MKLN1: variants seen among roughly 807,000 people sequenced by gnomAD.
The protein encoded by MKLN1 is muskelin.
Under a neutral mutation model 99.0 loss-of-function variants are expected in MKLN1, and 18 were observed. That is an observed-to-expected ratio of 0.18 (90% CI 0.13 to 0.27). The LOEUF (loss-of-function observed/expected upper bound fraction) is 0.27. Ranked by LOEUF, MKLN1 falls within the 10% of genes least tolerant of loss-of-function variation. The pLI is 1.00. For missense variants in MKLN1, 621 were observed against 875.9 expected, an observed-to-expected ratio of 0.71 and a Z score of 3.67; for synonymous variants, 288 against 293.2, an observed-to-expected ratio of 0.98 and a Z score of 0.18.
At chr7:131,212,929 A>C (rs556712861) in intron 3 of MKLN1, among the ~76,000 whole-genome samples, 3 of 144,396 alleles carry the variant, frequency 2.1e-5, no homozygotes, top group South Asian at 2.1e-4. Context: ...GTCTCAAAAA[A>C]AAAAAACAAA....
intron 1 of MKLN1, among the ~76,000 whole-genome samples, chr7:131,334,553 T>G (rs546541116): frequency 6.6e-6 from 1 of 152,362 alleles, no homozygotes; most frequent in South Asian, 2.1e-4. Flanking sequence ...AGAAATACTT[T>G]TTATCTTGAT....
chr7:131,380,784 ACG>A (rs1793821875), intron 2 of MKLN1, among the ~76,000 whole-genome samples: 1 of 152,206 alleles, frequency 6.6e-6, no homozygotes, highest in South Asian at 2.1e-4. Flanking sequence ...CCATAATCAT[ACG>A]GTAATTGCAA....
upstream of MKLN1, chr7:131,323,261 G>T (rs930567847): frequency 1.3e-5 from 2 of 152,222 alleles, no homozygotes; most frequent in African/African-American, 2.4e-5. Flanking sequence ...GGCAGAAAGG[G>T]ATGAGTTCAG....
At chr7:131,444,568 A>G (rs866371041) in intron 11 of MKLN1, among the ~76,000 whole-genome samples, 1 of 151,830 alleles carries the variant, frequency 6.6e-6, no homozygotes, top group Admixed American at 6.6e-5. Flanking sequence ...AATGTCTTCT[A>G]TTTTGTAACT....
chr7:131,332,081 T>C (rs915608611), intron 1 of MKLN1, among the ~76,000 whole-genome samples: 1 of 152,080 alleles, frequency 6.6e-6, no homozygotes, highest in Admixed American at 6.6e-5. Context: ...ATTTGACAAC[T>C]AGAATAGAAG....
At chr7:131,174,771 C>T (rs1413941306) in intron 2 of MKLN1, among the ~76,000 whole-genome samples, 3 of 151,986 alleles carry the variant, frequency 2.0e-5, no homozygotes, top group Admixed American at 2.0e-4. Flanking sequence ...TAATTCAAAC[C>T]AGTAAATATT....
chr7:131,120,548 CAAAAAAAAA>C (rs55945614), intron 1 of MKLN1, among the ~76,000 whole-genome samples: 2 of 98,130 alleles, frequency 2.0e-5, no homozygotes, highest in East Asian at 2.9e-4. Context: ...GACTCCCTCT[CAAAAAAAAA>C]AAAAAAAAGA....
At chr7:131,340,022 C>G (rs561226188) in intron 1 of MKLN1, among the ~76,000 whole-genome samples, 16 of 151,978 alleles carry the variant, frequency 1.1e-4, no homozygotes, top group African/African-American at 3.6e-4. Context: ...TTAAACAACC[C>G]TGGATATGTT....
At chr7:131,443,850 A>G in intron 11 of MKLN1, 148 bp downstream of exon 11, 1 of 662,058 alleles carries the variant, frequency 1.5e-6, no homozygotes, top group Admixed American at 2.6e-5. Context: ...ACTGTTTGCT[A>G]ATTATGAGAC....
At chr7:131,157,482 A>G (rs946255195) in intron 2 of MKLN1, among the ~76,000 whole-genome samples, 10 of 152,270 alleles carry the variant, frequency 6.6e-5, no homozygotes, top group Non-Finnish European at 8.8e-5. Context: ...TTCATTCCTC[A>G]TCTGTAACAT....
chr7:131,377,971 C>G (rs1339663661), intron 2 of MKLN1, among the ~76,000 whole-genome samples: 1 of 152,042 alleles, frequency 6.6e-6, no homozygotes, highest in Non-Finnish European at 1.5e-5. Flanking sequence ...TCAAATATAA[C>G]TGGGGTTTTC....
At chr7:131,294,421 G>A (rs1052398254) in intron 3 of MKLN1, among the ~76,000 whole-genome samples, 7 of 118,448 alleles carry the variant, frequency 5.9e-5, no homozygotes, top group Admixed American at 2.1e-4. Context: ...AAGCATATAG[G>A]CACATTCCTT....
At chr7:131,418,391 A>C (rs969058294) in intron 8 of MKLN1, among the ~76,000 whole-genome samples, 1 of 151,596 alleles carries the variant, frequency 6.6e-6, no homozygotes, top group Non-Finnish European at 1.5e-5. Context: ...AAAAAAAAAA[A>C]AGAGAGATAA....
chr7:131,169,729 T>C (rs1796189286), intron 2 of MKLN1, among the ~76,000 whole-genome samples: 1 of 152,142 alleles, frequency 6.6e-6, no homozygotes, highest in Non-Finnish European at 1.5e-5. Context: ...TTAGAGAAAA[T>C]TTTTCACAAG....
At position 131,429,028 on chromosome 7, in the gene MKLN1, C is replaced by G. The variant is rs771953994; in HGVS notation, c.848-5C>G. 1 of 1,606,016 alleles carries G rather than the reference C, an allele frequency of 6.2e-7. No individual in the cohort carries two copies. Among genetic ancestry groups the G allele is most frequent in the Non-Finnish European group, 8.5e-7 (1 of 1,174,202 alleles). On this transcript the variant is annotated splice_polypyrimidine_tract_variant and splice_region_variant and intron_variant, in intron 8 of 17. Transcript: ENST00000352689. ...TTTTTACACATATTTTTCTGATTTT[C>G]ATAGAGACTGTTTATTTGTTTGGTG...
intron 15 of MKLN1, among the ~76,000 whole-genome samples, chr7:131,467,526 G>C (rs576957507): frequency 1.3e-5 from 2 of 152,114 alleles, no homozygotes; most frequent in Non-Finnish European, 2.9e-5. Context: ...TCATATAGCT[G>C]TCTGGTGGGG....
intron 3 of MKLN1, among the ~76,000 whole-genome samples, chr7:131,232,973 G>A (rs1336338434): frequency 6.6e-6 from 1 of 152,166 alleles, no homozygotes; most frequent in Non-Finnish European, 1.5e-5. Flanking sequence ...GCAAATAATT[G>A]TGGAAGGAGG....
At chr7:131,437,234 C>T (rs1399906238) in intron 9 of MKLN1, among the ~76,000 whole-genome samples, 3 of 151,996 alleles carry the variant, frequency 2.0e-5, no homozygotes, top group African/African-American at 7.3e-5. Flanking sequence ...TGACCCCCAC[C>T]CCTCGACAGT....
chr7:131,448,181 T>C (rs67073852), intron 12 of MKLN1, among the ~76,000 whole-genome samples: 57,447 of 151,900 alleles, frequency 0.38, 11,779 homozygotes, highest in East Asian at 0.48. Context: ...TGAGCCGATA[T>C]CACGCCACTG....
Sources: gnomAD v4.1 joint callset for allele counts (sites outside exome capture counted in the v4.1 genomes callset) on GRCh38, gnomAD v4.1.1 for gene constraint, MANE v1.5 for transcripts, NCBI Gene and HGNC (gene_info 2026-07-23, HGNC 2026-07-21) for gene names.